Variants in MACROD2 observed in about 807,000 individuals in gnomAD.
The protein encoded by MACROD2 is mono-ADP ribosylhydrolase 2, also known as ADP-ribose glycohydrolase MACROD2.
A neutral mutation model predicts 70.4 loss-of-function variants in MACROD2; 36 were observed. That is an observed-to-expected ratio of 0.51 (90% confidence interval 0.39 to 0.68). The LOEUF is 0.68. Ranked by LOEUF, MACROD2 falls within the 30% of genes least tolerant of loss-of-function variation. MACROD2 has a pLI of 0.00. For missense variants in MACROD2, 496 were observed against 538.4 expected, an observed-to-expected ratio of 0.92 and a Z score of 0.78; for synonymous variants, 172 against 178.8, an observed-to-expected ratio of 0.96 and a Z score of 0.30.
intron 3 of MACROD2, among the ~76,000 whole-genome samples, chr20:14,409,537 T>G (rs2083727267): frequency 6.6e-6 from 1 of 151,966 alleles, no homozygotes; most frequent in Non-Finnish European, 1.5e-5. Flanking sequence ...GATGATGGGA[T>G]TGAAATCCAT....
chr20:14,419,402 T>C (rs2083850901), intron 3 of MACROD2, among the ~76,000 whole-genome samples: 1 of 152,198 alleles, frequency 6.6e-6, no homozygotes, highest in African/African-American at 2.4e-5. Context: ...CTTCTAAAGT[T>C]GTTTAAAGTT....
At chr20:15,644,636 A>G (rs181935155) in intron 8 of MACROD2, among the ~76,000 whole-genome samples, 1 of 152,342 alleles carries the variant, frequency 6.6e-6, no homozygotes, top group East Asian at 1.9e-4. Flanking sequence ...GAGGTTAAGT[A>G]ATTATTTAAC....
chr20:14,903,321 G>A (rs2073920541), intron 5 of MACROD2, among the ~76,000 whole-genome samples: 1 of 152,018 alleles, frequency 6.6e-6, no homozygotes, highest in Admixed American at 6.5e-5. Flanking sequence ...GATTATAGGC[G>A]TGAGCCACTG....
At chr20:15,633,032 T>G (rs888858744) in intron 8 of MACROD2, among the ~76,000 whole-genome samples, 2 of 152,120 alleles carry the variant, frequency 1.3e-5, no homozygotes, top group African/African-American at 4.8e-5. Flanking sequence ...CCTACAACTT[T>G]GCCTTTCATT....
intron 5 of MACROD2, among the ~76,000 whole-genome samples, chr20:14,907,749 G>A (rs529446438): frequency 6.6e-6 from 1 of 152,074 alleles, no homozygotes; most frequent in Non-Finnish European, 1.5e-5. Context: ...GAGAATTGGC[G>A]GGGACTAGAT....
chr20:15,093,641 GAATTA>G, intron 5 of MACROD2, among the ~76,000 whole-genome samples: 1 of 152,020 alleles, frequency 6.6e-6, no homozygotes, highest in Non-Finnish European at 1.5e-5. Context: ...GAGGAACACT[GAATTA>G]AATTCAAAGT....
chr20:15,143,052 G>C (rs1482345584), intron 5 of MACROD2, among the ~76,000 whole-genome samples: 1 of 119,104 alleles, frequency 8.4e-6, no homozygotes, highest in African/African-American at 3.1e-5. Context: ...GGGTCAAATG[G>C]TATTTCTAGT....
chr20:15,879,338 A>G (rs1336694735), intron 9 of MACROD2, among the ~76,000 whole-genome samples: 1 of 151,788 alleles, frequency 6.6e-6, no homozygotes, highest in Non-Finnish European at 1.5e-5. Context: ...TTTTTTTAAT[A>G]TTTTTTTGTT....
At chr20:15,792,643 T>TA (rs1287057339) in intron 8 of MACROD2, among the ~76,000 whole-genome samples, 4 of 152,082 alleles carry the variant, frequency 2.6e-5, no homozygotes, top group Non-Finnish European at 4.4e-5. Context: ...TGATAGCAGT[T>TA]AAAAAAAGTT....
intron 3 of MACROD2, among the ~76,000 whole-genome samples, chr20:14,268,706 T>A (rs2082165512): frequency 6.6e-6 from 1 of 152,206 alleles, no homozygotes; most frequent in South Asian, 2.1e-4. Flanking sequence ...GTCCATCCAA[T>A]GTTCTTTCAG....
chr20:14,708,174 A>T (rs947855543), intron 5 of MACROD2, among the ~76,000 whole-genome samples: 1 of 152,236 alleles, frequency 6.6e-6, no homozygotes, highest in Non-Finnish European at 1.5e-5. Flanking sequence ...ATTAACTAGT[A>T]ATAGCATTTC....
At chr20:14,777,050 T>G (rs1325307864) in intron 5 of MACROD2, among the ~76,000 whole-genome samples, 1 of 152,094 alleles carries the variant, frequency 6.6e-6, no homozygotes, top group Non-Finnish European at 1.5e-5. Context: ...ATACCACAAT[T>G]TATCCATTTT....
At chr20:14,642,801 A>G (rs1985169743) in intron 4 of MACROD2, among the ~76,000 whole-genome samples, 1 of 152,090 alleles carries the variant, frequency 6.6e-6, no homozygotes, top group Non-Finnish European at 1.5e-5. Flanking sequence ...ACTATAACAG[A>G]TACAATAATA....
intron 5 of MACROD2, among the ~76,000 whole-genome samples, chr20:14,709,648 C>G (rs964320782): frequency 2.0e-5 from 3 of 152,160 alleles, no homozygotes; most frequent in African/African-American, 7.2e-5. Context: ...CCTTTGGATA[C>G]TAAACTAGCC....
chr20:14,863,053 ATT>A (rs1300790410), intron 5 of MACROD2, among the ~76,000 whole-genome samples: 2 of 152,020 alleles, frequency 1.3e-5, no homozygotes, highest in Non-Finnish European at 1.5e-5. Context: ...TATTATTAGT[ATT>A]CACTAGCCAT....
chr20:15,252,551 A>T (rs2077164996), intron 6 of MACROD2, among the ~76,000 whole-genome samples: 1 of 152,212 alleles, frequency 6.6e-6, no homozygotes, highest in Admixed American at 6.5e-5. Context: ...ACATTTCATT[A>T]ACTAGAAGAA....
At chr20:14,465,078 C>G (rs1354652864) in intron 3 of MACROD2, among the ~76,000 whole-genome samples, 3 of 152,004 alleles carry the variant, frequency 2.0e-5, no homozygotes, top group Non-Finnish European at 4.4e-5. Flanking sequence ...GAGTTCCATT[C>G]CTGGATATCC....
intron 5 of MACROD2, among the ~76,000 whole-genome samples, chr20:14,862,038 T>TA (rs2073330302): frequency 4.3e-5 from 1 of 23,074 alleles, no homozygotes; most frequent in African/African-American, 1.7e-4. Context: ...TTTATATATA[T>TA]TTATATATAT....
chr20:14,114,522 A>G (rs1456513239), intron 3 of MACROD2, among the ~76,000 whole-genome samples: 1 of 152,120 alleles, frequency 6.6e-6, no homozygotes, highest in Non-Finnish European at 1.5e-5. Flanking sequence ...AGGCATCTGT[A>G]GCTCTGAGAG....
Sources: gnomAD v4.1 joint callset for allele counts (sites outside exome capture counted in the v4.1 genomes callset) on GRCh38, gnomAD v4.1.1 for gene constraint, MANE v1.5 for transcripts, NCBI Gene and HGNC (gene_info 2026-07-23, HGNC 2026-07-21) for gene names.